SYN3: variants seen among roughly 807,000 people sequenced by gnomAD.
SYN3 encodes synapsin III, also known as synapsin-3.
Under a neutral mutation model 65.8 loss-of-function variants are expected in SYN3, and 35 were observed. The observed-to-expected ratio is 0.53, with a 90% CI of 0.41 to 0.70. The LOEUF (loss-of-function observed/expected upper bound fraction) is 0.70, where lower values mean the gene tolerates loss of function less well. SYN3 is among the 30% of genes least tolerant of loss of function. The probability of loss-of-function intolerance (pLI) is 0.00; values close to 1 mark genes in which losing one functional copy is unlikely to be tolerated. For missense variants in SYN3, 680 were observed against 749.0 expected (o/e 0.91, Z 1.08); for synonymous variants, 270 against 292.9 (o/e 0.92, Z 0.80).
intron 2 of SYN3, among the ~76,000 whole-genome samples, chr22:32,995,456 T>C (rs993711261): frequency 2.0e-5 from 3 of 152,192 alleles, no homozygotes; most frequent in Non-Finnish European, 4.4e-5. Context: ...GGGTGTCTTG[T>C]ATTTTTATTT....
chr22:32,636,407 AAAAAAAAAAAAG>A (rs1309877103), intron 6 of SYN3, among the ~76,000 whole-genome samples: 18 of 150,078 alleles, frequency 1.2e-4, no homozygotes, highest in Admixed American at 3.3e-4. Context: ...ATCTCAAAAA[AAAAAAAAAAAAG>A]AAAAGAAAAG....
rs1268104097 is a variant in SYN3 at position 32,556,819 on chromosome 22, T to G, written c.775-15106A>C. 2.2e-4 allele frequency among the ~76,000 whole-genome samples: 30 copies of G among 133,970 alleles called. 1 individual carries two copies. The highest frequency in any genetic ancestry group is 8.8e-4 in the Admixed American group (12 of 13,638). 87.9% of individuals were successfully genotyped at this position (133,970 alleles called of 152,430 possible). A position where few individuals can be genotyped will look rare whatever the true frequency, so the allele number is the denominator to read the frequency against. ...AGGTTTCCTGGTTTTTTTTTTTTTTTTTTTTTTTTTTTTTTTGTGTGTAGA... is the reference window on the plus strand; with the variant it reads ...AGGTTTCCTGGTTTTTTTTTTTTTTGTTTTTTTTTTTTTTTTGTGTGTAGA... On this transcript the variant is annotated intron_variant, in intron 7 of 13. Coordinates refer to ENST00000358763, the MANE Select transcript of SYN3 (RefSeq NM_003490.4).
intron 6 of SYN3, among the ~76,000 whole-genome samples, chr22:32,657,352 T>G (rs749963724): frequency 6.6e-6 from 1 of 151,838 alleles, no homozygotes; most frequent in Non-Finnish European, 1.5e-5. Flanking sequence ...CTCGATCTAC[T>G]GACATTGTGA....
intron 6 of SYN3, among the ~76,000 whole-genome samples, chr22:32,691,451 C>G (rs1308213895): frequency 4.6e-5 from 7 of 152,172 alleles, no homozygotes; most frequent in Admixed American, 1.3e-4. Flanking sequence ...AAAAACAAGC[C>G]ATATATTTGT....
chr22:32,834,774 A>G (rs1165871505), intron 6 of SYN3, among the ~76,000 whole-genome samples: 2 of 152,142 alleles, frequency 1.3e-5, no homozygotes, highest in Non-Finnish European at 2.9e-5. Context: ...TATGATTCCT[A>G]TCTGGTACAG....
At chr22:32,794,515 T>C (rs909072412) in intron 6 of SYN3, among the ~76,000 whole-genome samples, 2 of 152,186 alleles carry the variant, frequency 1.3e-5, no homozygotes, top group East Asian at 3.8e-4. Flanking sequence ...ATACTCTGAC[T>C]CCTCCTTTTC....
intron 2 of SYN3, among the ~76,000 whole-genome samples, chr22:32,988,970 G>A (rs868469907): frequency 6.7e-5 from 10 of 150,036 alleles, no homozygotes; most frequent in Middle Eastern, 3.4e-3. Context: ...TTCCTCTTCC[G>A]TAGATGGGGA....
intron 6 of SYN3, among the ~76,000 whole-genome samples, chr22:32,703,601 C>T (rs911135016): frequency 3.3e-5 from 5 of 150,704 alleles, no homozygotes; most frequent in African/African-American, 9.8e-5. Flanking sequence ...CATGCTACTG[C>T]ACTCCAGCCT....
intron 6 of SYN3, among the ~76,000 whole-genome samples, chr22:32,685,618 C>T (rs2060579372): frequency 6.6e-6 from 1 of 152,158 alleles, no homozygotes; most frequent in Admixed American, 6.6e-5. Flanking sequence ...AAGTAACAGG[C>T]TGTATCATCT....
chr22:32,647,067 A>C (rs976421718), intron 6 of SYN3, among the ~76,000 whole-genome samples: 4 of 152,150 alleles, frequency 2.6e-5, no homozygotes, highest in African/African-American at 9.7e-5. Flanking sequence ...TAACTGCCAA[A>C]GGCTTGGGGG....
intron 6 of SYN3, among the ~76,000 whole-genome samples, chr22:32,767,075 T>G (rs1472418536): frequency 6.6e-6 from 1 of 152,112 alleles, no homozygotes; most frequent in Non-Finnish European, 1.5e-5. Flanking sequence ...ATAGAATGAA[T>G]CCTATTCTCC....
intron 3 of SYN3, among the ~76,000 whole-genome samples, chr22:32,951,490 T>C (rs894409056): frequency 2.0e-5 from 3 of 152,218 alleles, no homozygotes; most frequent in African/African-American, 7.2e-5. Context: ...CTCACTCAAG[T>C]AGAAGCTCTG....
chr22:32,881,697 G>A (rs538492759), intron 4 of SYN3, among the ~76,000 whole-genome samples: 3 of 152,296 alleles, frequency 2.0e-5, no homozygotes, highest in African/African-American at 7.2e-5. Flanking sequence ...GGGCAAGAGT[G>A]GGTGAGCTTT....
intron 6 of SYN3, among the ~76,000 whole-genome samples, chr22:32,758,681 C>CATAT (rs71187211): frequency 0.018 from 582 of 33,030 alleles, 158 homozygotes; most frequent in Middle Eastern, 0.042. Context: ...TTACTAAACT[C>CATAT]ATATATATAT....
In SYN3 at chr22:32,682,830, C is replaced by T. The variant is rs181363308; in HGVS notation, c.712-86094G>A. Among the ~76,000 whole-genome samples, 1,329 of 152,300 alleles carry T rather than the reference C, an allele frequency of 8.7e-3. 22 individuals carry two copies. Among genetic ancestry groups the T allele is most frequent in the African/African-American group, 0.031 (1,278 of 41,560 alleles). On this transcript the variant is annotated intron_variant, in intron 6 of 13. Transcript: ENST00000358763. ...CCTTGTAAAGGCACACGAAGAAACTCTTGGAGAAGCCCAGACAGAGCTCTC... is the reference window on the plus strand; with the variant it reads ...CCTTGTAAAGGCACACGAAGAAACTTTTGGAGAAGCCCAGACAGAGCTCTC...
intron 6 of SYN3, among the ~76,000 whole-genome samples, chr22:32,770,492 T>A (rs1382353111): frequency 6.6e-6 from 1 of 152,176 alleles, no homozygotes. Flanking sequence ...CTGCTCCTCG[T>A]GCTGCTCCTA....
At chr22:32,791,404 T>C (rs1006466190) in intron 6 of SYN3, among the ~76,000 whole-genome samples, 4 of 152,094 alleles carry the variant, frequency 2.6e-5, no homozygotes, top group African/African-American at 7.2e-5. Flanking sequence ...TTGACCTGGC[T>C]GAGTACTGTT....
intron 6 of SYN3, among the ~76,000 whole-genome samples, chr22:32,851,632 G>A (rs1198607956): frequency 6.6e-6 from 1 of 152,106 alleles, no homozygotes; most frequent in Non-Finnish European, 1.5e-5. Context: ...TGACAGAGGC[G>A]CAAAGGGGAA....
chr22:32,871,318 C>G (rs1300421588), intron 4 of SYN3, among the ~76,000 whole-genome samples: 1 of 152,220 alleles, frequency 6.6e-6, no homozygotes, highest in Non-Finnish European at 1.5e-5. Flanking sequence ...GACTCTGGCT[C>G]CAGATATTAT....
Sources: gnomAD v4.1 joint callset for allele counts (sites outside exome capture counted in the v4.1 genomes callset) on GRCh38, gnomAD v4.1.1 for gene constraint, MANE v1.5 for transcripts, NCBI Gene and HGNC (gene_info 2026-07-23, HGNC 2026-07-21) for gene names.